Variants in CCSER2 observed in about 807,000 individuals in gnomAD.
The protein encoded by CCSER2 is coiled-coil serine rich protein 2.
CCSER2 carries 46 observed loss-of-function variants against 92.3 expected under a neutral mutation model. The observed-to-expected ratio is 0.50, with a 90% confidence interval of 0.39 to 0.64. CCSER2 has a LOEUF of 0.64. Among genes scored for constraint, CCSER2 ranks in the 30% least tolerant of loss-of-function variants. The probability of loss-of-function intolerance (pLI) is 0.00; values close to 1 mark genes in which losing one functional copy is unlikely to be tolerated. For missense variants in CCSER2, 1,244 were observed against 1,238.9 expected (o/e 1.00, Z -0.06); for synonymous variants, 433 against 431.4 (o/e 1.00, Z -0.04).
intron 6 of CCSER2, among the ~76,000 whole-genome samples, chr10:84,441,929 T>G (rs1844596260): frequency 6.6e-6 from 1 of 151,670 alleles, no homozygotes; most frequent in African/African-American, 2.4e-5. Flanking sequence ...GCTAATTTCT[T>G]ATATTTTTAG....
intron 1 of CCSER2, among the ~76,000 whole-genome samples, chr10:84,366,866 T>G (rs1232944237): frequency 6.6e-6 from 1 of 152,080 alleles, no homozygotes; most frequent in African/African-American, 2.4e-5. Flanking sequence ...AGAAGTAAGG[T>G]TGGAATCTTG....
At chr10:84,461,627 T>TA (rs1244269065) in intron 6 of CCSER2, among the ~76,000 whole-genome samples, 2 of 152,038 alleles carry the variant, frequency 1.3e-5, no homozygotes, top group African/African-American at 4.8e-5. Context: ...TTTTCAGGTC[T>TA]AAAATCTCCA....
chr10:84,371,302 A>G lies in CCSER2; in HGVS notation c.250A>G (p.Asn84Asp), dbSNP rs375204187. 5 of 1,613,598 alleles carry G rather than the reference A, an allele frequency of 3.1e-6. No homozygotes were observed. The highest frequency in any genetic ancestry group is 1.3e-5 in the African/African-American group (1 of 74,894). Residue 84 changes from asparagine to aspartate, a missense_variant, in exon 2 of 10, where the codon AAT becomes GAT. Coordinates refer to ENST00000372088, the MANE Select transcript of CCSER2 (RefSeq NM_001284240.2). ...TGCACAAGGTGTCGAAGAGCCTAAC[A>G]ATACTCAAAATTCACATGATAAAAT... ...LCAQGVEEPN[N>D]TQNSHDKIID...
At chr10:84,416,884 T>G (rs2133386836) in intron 3 of CCSER2, among the ~76,000 whole-genome samples, 1 of 152,190 alleles carries the variant, frequency 6.6e-6, no homozygotes, top group Middle Eastern at 3.4e-3. Context: ...TGAGCCGAGA[T>G]CGCGCCATTG....
intron 3 of CCSER2, among the ~76,000 whole-genome samples, chr10:84,380,264 A>G (rs1204531780): frequency 6.6e-6 from 1 of 152,010 alleles, no homozygotes; most frequent in African/African-American, 2.4e-5. Flanking sequence ...CACACATTTT[A>G]CTGGCAGTTT....
At chr10:84,409,117 A>C (rs1409888386) in intron 3 of CCSER2, among the ~76,000 whole-genome samples, 1 of 151,980 alleles carries the variant, frequency 6.6e-6, no homozygotes, top group East Asian at 1.9e-4. Context: ...CAGCCTCCTG[A>C]GTAGCTGGAA....
intron 3 of CCSER2, among the ~76,000 whole-genome samples, chr10:84,415,793 C>G (rs1022247451): frequency 1.5e-4 from 23 of 152,178 alleles, no homozygotes; most frequent in African/African-American, 4.6e-4. Context: ...TGGCGGCTGC[C>G]CCTCCTCCTG....
intron 5 of CCSER2, among the ~76,000 whole-genome samples, chr10:84,437,146 CACACAGAGAG>C (rs1024730322): frequency 4.1e-5 from 4 of 97,876 alleles, no homozygotes; most frequent in Non-Finnish European, 9.8e-5. Flanking sequence ...CACACACACA[CACACAGAGAG>C]AGAGAGAGAG....
chr10:84,421,871 G>C (rs1843168633), intron 4 of CCSER2, among the ~76,000 whole-genome samples: 1 of 152,194 alleles, frequency 6.6e-6, no homozygotes, highest in Admixed American at 6.5e-5. Context: ...CAGCTATATA[G>C]AAATGTGATT....
intron 9 of CCSER2, among the ~76,000 whole-genome samples, chr10:84,480,765 G>C (rs1589776200): frequency 6.6e-6 from 1 of 152,244 alleles, no homozygotes; most frequent in East Asian, 1.9e-4. Context: ...TGGTCTTCCA[G>C]CCTTGTTTGG....
chr10:84,388,338 T>C (rs1362337450), intron 3 of CCSER2, among the ~76,000 whole-genome samples: 1 of 152,248 alleles, frequency 6.6e-6, no homozygotes, highest in African/African-American at 2.4e-5. Context: ...GGCTGGACTT[T>C]GCCTTGTTTA....
chr10:84,370,646 T>C (rs1846013605), intron 1 of CCSER2, among the ~76,000 whole-genome samples: 1 of 152,084 alleles, frequency 6.6e-6, no homozygotes, highest in African/African-American at 2.4e-5. Context: ...TGGCTTTCCA[T>C]ATGTTCTTAT....
intron 9 of CCSER2, among the ~76,000 whole-genome samples, chr10:84,499,179 A>G (rs532776291): frequency 2.0e-5 from 3 of 152,134 alleles, no homozygotes; most frequent in Non-Finnish European, 4.4e-5. Context: ...TCTGTTGCCC[A>G]GGCTGGAATG....
intron 3 of CCSER2, among the ~76,000 whole-genome samples, chr10:84,409,641 A>G (rs1842549717): frequency 6.6e-6 from 1 of 152,090 alleles, no homozygotes; most frequent in Admixed American, 6.5e-5. Flanking sequence ...CAAATGGAAA[A>G]CATTTGTGAA....
intron 9 of CCSER2, among the ~76,000 whole-genome samples, chr10:84,483,577 C>T (rs557974636): frequency 7.9e-5 from 12 of 151,898 alleles, no homozygotes; most frequent in South Asian, 4.2e-4. Context: ...TTCTAGCAAC[C>T]GTGGAAATTT....
At chr10:84,440,575 C>T (rs1396464695) in intron 6 of CCSER2, among the ~76,000 whole-genome samples, 1 of 152,206 alleles carries the variant, frequency 6.6e-6, no homozygotes, top group African/African-American at 2.4e-5. Flanking sequence ...CTGTCCAAAG[C>T]TTCTCTAGAG....
Position 84,517,573 on chromosome 10 carries a change from A to C in CCSER2, c.*3306A>C, listed in dbSNP as rs1192506482. 2.0e-5 allele frequency: 3 copies of C among 152,614 alleles called. No individual in the cohort carries two copies. The highest frequency in any genetic ancestry group is 6.5e-5 in the Admixed American group (1 of 15,276). 9.5% of individuals were successfully genotyped at this position (152,614 alleles called of 1,614,324 possible). ...GCTTGAAGTTGTGCCTGAAATATCG[A>C]ATTGCCTCCTATTGGGTGTGGCTTT... On this transcript the variant is annotated 3_prime_UTR_variant, in exon 10 of 10. Transcript: ENST00000372088.
At chr10:84,394,502 T>C (rs1841718462) in intron 3 of CCSER2, among the ~76,000 whole-genome samples, 1 of 151,492 alleles carries the variant, frequency 6.6e-6, no homozygotes, top group Non-Finnish European at 1.5e-5. Flanking sequence ...TTTTACCAGT[T>C]GGCCAAGGAA....
At chr10:84,459,417 A>G (rs984965342) in intron 6 of CCSER2, among the ~76,000 whole-genome samples, 1 of 152,214 alleles carries the variant, frequency 6.6e-6, no homozygotes, top group East Asian at 1.9e-4. Context: ...AAACTCCACT[A>G]TGATATTGAA....
Sources: allele counts gnomAD v4.1 joint callset (sites outside exome capture counted in the v4.1 genomes callset), GRCh38; gene constraint gnomAD v4.1.1; transcripts MANE v1.5; gene names NCBI Gene and HGNC (gene_info 2026-07-23, HGNC 2026-07-21).